LYSMD3: variants seen among roughly 807,000 people sequenced by gnomAD.
LYSMD3 encodes lysM and putative peptidoglycan-binding domain-containing protein 3.
A neutral mutation model predicts 26.1 loss-of-function variants in LYSMD3; 13 were observed. The observed-to-expected ratio is 0.50, with a 90% CI of 0.32 to 0.79. The LOEUF (loss-of-function observed/expected upper bound fraction) is 0.79. Ranked by LOEUF, LYSMD3 falls within the 30% of genes least tolerant of loss-of-function variation. The pLI is 0.03. For missense variants in LYSMD3, 331 were observed against 362.5 expected, an observed-to-expected ratio of 0.91 and a Z score of 0.71; for synonymous variants, 109 against 119.4, an observed-to-expected ratio of 0.91 and a Z score of 0.57.
intron 2 of LYSMD3, among the ~76,000 whole-genome samples, chr5:90,519,714 T>C (rs1448127373): frequency 6.6e-6 from 1 of 152,170 alleles, no homozygotes; most frequent in African/African-American, 2.4e-5. Context: ...CCATATATGT[T>C]AGTAACACTA....
chr5:90,525,954 AT>A (rs1414102106), intron 1 of LYSMD3, among the ~76,000 whole-genome samples: 1 of 152,214 alleles, frequency 6.6e-6, no homozygotes, highest in Non-Finnish European at 1.5e-5. Flanking sequence ...ATTACATTAA[AT>A]ATAAAATCGT....
chr5:90,519,495 G>T lies in LYSMD3; in HGVS notation c.256-11C>A. On this transcript the variant is annotated splice_polypyrimidine_tract_variant and intron_variant, in intron 2 of 2. Coordinates refer to ENST00000315948, the MANE Select transcript of LYSMD3 (RefSeq NM_198273.2). ...CTTGATATCTGCTACCTGTGGGGGG[G>T]AAAAAAAAGCAACATACAACTGAAT... 1 of 1,556,546 alleles carries T rather than the reference G, an allele frequency of 6.4e-7. No homozygotes were observed. Among genetic ancestry groups the T allele is most frequent in the East Asian group, 2.3e-5 (1 of 44,094 alleles).
At chr5:90,523,959 CA>C (rs1753154409) in intron 2 of LYSMD3, among the ~76,000 whole-genome samples, 2 of 152,038 alleles carry the variant, frequency 1.3e-5, no homozygotes, top group South Asian at 4.2e-4. Flanking sequence ...AAAATGGGTC[CA>C]AATAGAGTAT....
intron 2 of LYSMD3, among the ~76,000 whole-genome samples, chr5:90,523,671 T>C (rs951382264): frequency 6.6e-6 from 1 of 152,146 alleles, no homozygotes; most frequent in African/African-American, 2.4e-5. Flanking sequence ...CTTAGAATTC[T>C]GTGGATGCAT....
chr5:90,519,103 C>G lies in LYSMD3; in HGVS notation c.637G>C (p.Asp213His). The G allele has an allele frequency of 6.2e-7, 1 of 1,614,148 alleles. No homozygotes were observed. Among genetic ancestry groups the G allele is most frequent in the Non-Finnish European group, 8.5e-7 (1 of 1,180,006 alleles). ...TQRKDPYYGA[D>H]WGIGWWTAVV... ...GCTGTCCACCACCCTATTCCCCAGT[C>G]TGCTCCATAATAGGGGTCTTTACGT... Residue 213 changes from aspartate (D) to histidine (H), a missense_variant, in exon 3 of 3, where the codon GAC becomes CAC. Around this residue, in one of 3 missense-constraint regions of LYSMD3, gnomAD observed 262 missense variants for 267.3 expected, o/e 0.98. Coordinates refer to ENST00000315948, the MANE Select transcript of LYSMD3 (RefSeq NM_198273.2).
At chr5:90,527,953 A>C (rs555257807) in intron 1 of LYSMD3, among the ~76,000 whole-genome samples, 2 of 152,348 alleles carry the variant, frequency 1.3e-5, no homozygotes, top group East Asian at 3.9e-4. Context: ...TATGTTAAGT[A>C]GATTATTTCA....
At position 90,518,514 on chromosome 5, in the gene LYSMD3, TA is replaced by T. The variant is rs1185396822; in HGVS notation, c.*304del. The T allele has an allele frequency of 4.6e-5, 11 of 237,504 alleles. No homozygotes were observed. Among genetic ancestry groups the T allele is most frequent in the East Asian group, 8.7e-5 (1 of 11,486 alleles). The allele number at this position is 237,504 out of a possible 1,614,324, so 14.7% of individuals were successfully genotyped here. A position where few individuals can be genotyped will look rare whatever the true frequency, so the allele number is the denominator to read the frequency against. ...ATTAATAAACTTTTTAAAAATTACT[TA>T]AAAAAATAAAATTTAAACATGCATT... On this transcript the variant is annotated 3_prime_UTR_variant, in exon 3 of 3. Coordinates refer to ENST00000315948, the MANE Select transcript of LYSMD3 (RefSeq NM_198273.2).
chr5:90,529,159 C>T (rs37238), intron 1 of LYSMD3, among the ~76,000 whole-genome samples: 86,230 of 152,100 alleles, frequency 0.57, 24,736 homozygotes, highest in African/African-American at 0.64. Flanking sequence ...AACATAAAGT[C>T]GTGGGAGAAA....
intron 1 of LYSMD3, among the ~76,000 whole-genome samples, chr5:90,528,804 A>C (rs1251790267): frequency 3.9e-5 from 6 of 152,234 alleles, no homozygotes; most frequent in Admixed American, 2.0e-4. Flanking sequence ...AAACAGTGTT[A>C]AAGCATTCTT....
chr5:90,520,542 T>C (rs1423254896), intron 2 of LYSMD3: 2 of 455,858 alleles, frequency 4.4e-6, no homozygotes, highest in South Asian at 1.6e-5. Context: ...GTGGAAGATG[T>C]TCAGGACAGA....
chr5:90,521,616 C>T (rs1483246287), intron 2 of LYSMD3, among the ~76,000 whole-genome samples: 1 of 151,980 alleles, frequency 6.6e-6, no homozygotes, highest in Non-Finnish European at 1.5e-5. Context: ...TGAAAAATCC[C>T]AGTCTGACCC....
chr5:90,527,654 A>G (rs551865715), intron 1 of LYSMD3, among the ~76,000 whole-genome samples: 1 of 152,142 alleles, frequency 6.6e-6, no homozygotes, highest in Non-Finnish European at 1.5e-5. Flanking sequence ...AATATGAAAC[A>G]CAAATTTCAT....
In LYSMD3 at chr5:90,519,129, T is replaced by A; in HGVS notation, c.611A>T (p.Gln204Leu). The A allele has an allele frequency of 6.2e-7, 1 of 1,614,152 alleles. No homozygotes were observed. The highest frequency in any genetic ancestry group is 8.5e-7 in the Non-Finnish European group (1 of 1,179,994). Residue 204 changes from glutamine to leucine, a missense_variant, in exon 3 of 3, where the codon CAA (glutamine) becomes CTA (leucine). Around this residue, in one of 3 missense-constraint regions of LYSMD3, gnomAD observed 262 missense variants for 267.3 expected, o/e 0.98. Coordinates refer to ENST00000315948, the MANE Select transcript of LYSMD3 (RefSeq NM_198273.2). The stretch of plus-strand genomic sequence containing the variant: ...TGCTCCATAATAGGGGTCTTTACGT[T>A]GAGTGTTTTTGTTATCAGGTTCAAA... ...MRFEPDNKNTQRKDPYYGADW... is the reference protein window; with the variant it reads ...MRFEPDNKNTLRKDPYYGADW...
intron 2 of LYSMD3, among the ~76,000 whole-genome samples, chr5:90,523,424 A>G (rs1753140974): frequency 1.3e-5 from 2 of 151,954 alleles, no homozygotes; most frequent in Non-Finnish European, 1.5e-5. Context: ...ATACATTTAT[A>G]TAATATAAAC....
intron 2 of LYSMD3, among the ~76,000 whole-genome samples, chr5:90,523,624 T>A (rs901641710): frequency 3.9e-5 from 6 of 152,208 alleles, no homozygotes; most frequent in East Asian, 1.9e-4. Context: ...CCACTTTTTT[T>A]AAAAATACAA....
intron 1 of LYSMD3, 25 bp from the exon 2 acceptor site, chr5:90,525,325 A>G: frequency 6.4e-7 from 1 of 1,557,840 alleles, no homozygotes; most frequent in Non-Finnish European, 8.7e-7. Context: ...AAGCAGAGAA[A>G]ATTTTGGAAT....
chr5:90,518,787 G>GAGACC lies in LYSMD3; in HGVS notation c.*31_*32insGGTCT, dbSNP rs1753010102. The GAGACC allele has an allele frequency of 7.0e-6, 11 of 1,568,588 alleles. No individual in the cohort carries two copies. Among genetic ancestry groups the GAGACC allele is most frequent in the African/African-American group, 1.4e-5 (1 of 73,666 alleles). ...GATTCACCACATTCCAGATGCACATGTGACCACTAACATTTGATTATGAGC... is the reference window on the plus strand; with the variant it reads ...GATTCACCACATTCCAGATGCACATGAGACCTGACCACTAACATTTGATTATGAGC... On this transcript the variant is annotated 3_prime_UTR_variant, in exon 3 of 3. Transcript: ENST00000315948.
At chr5:90,524,680 C>T (rs1444433932) in intron 2 of LYSMD3, among the ~76,000 whole-genome samples, 2 of 152,182 alleles carry the variant, frequency 1.3e-5, no homozygotes, top group African/African-American at 4.8e-5. Context: ...CAAGCTCCGC[C>T]TCCCAGGTTC....
In LYSMD3 at chr5:90,518,884, G is replaced by C. The variant is rs753213346; in HGVS notation, c.856C>G (p.Gln286Glu). 7.4e-6 allele frequency: 12 copies of C among 1,613,974 alleles called. No individual in the cohort carries two copies. The Admixed American group carries it at 2.0e-4, about 27-fold the overall frequency. Residue 286 changes from glutamine (Q) to glutamate (E), a missense_variant, in exon 3 of 3, where the codon CAA becomes GAA. Coordinates refer to ENST00000315948, the MANE Select transcript of LYSMD3 (RefSeq NM_198273.2). ...IVPTKGIHFS[Q>E]QDDHKLYSQD... ...CTATACAGTTTATGATCATCTTGTTGGCTGAAATGTATTCCTTTAGTTGGC... is the reference window on the plus strand; with the variant it reads ...CTATACAGTTTATGATCATCTTGTTCGCTGAAATGTATTCCTTTAGTTGGC...
Sources: gnomAD v4.1 joint callset for allele counts (sites outside exome capture counted in the v4.1 genomes callset) on GRCh38, gnomAD v4.1.1 for gene constraint, gnomAD v4.1.1 regional missense constraint, MANE v1.5 for transcripts, NCBI Gene and HGNC (gene_info 2026-07-23, HGNC 2026-07-21) for gene names.